Variants in ZFHX2 observed in about 807,000 individuals in gnomAD.
ZFHX2 encodes the protein zinc finger homeobox protein 2.
A neutral mutation model predicts 164.8 loss-of-function variants in ZFHX2; 75 were observed. The observed-to-expected ratio is 0.46, with a 90% CI of 0.38 to 0.55. ZFHX2 has a LOEUF of 0.55. Among genes scored for constraint, ZFHX2 ranks in the 20% least tolerant of loss-of-function variants. The probability of loss-of-function intolerance (pLI) is 0.00; values close to 1 mark genes in which losing one functional copy is unlikely to be tolerated. For synonymous variants in ZFHX2, 1,217 were observed against 1,351.4 expected (o/e 0.90, Z 2.18); for missense variants, 2,933 against 3,308.0 (o/e 0.89, Z 2.78).
intron 7 of ZFHX2, 86 bp downstream of exon 7, chr14:23,527,518 C>G (rs942285662): frequency 1.3e-6 from 2 of 1,490,224 alleles, no homozygotes; most frequent in South Asian, 2.5e-5. Context: ...ACACATGCAC[C>G]TGCCTGAATA....
chr14:23,522,623 G>C lies in ZFHX2; in HGVS notation c.7058C>G (p.Ala2353Gly). The change falls in exon 10 of 10, where the codon GCT becomes GGT. Residue 2353 changes from alanine to glycine, a missense_variant. Ala to Gly is a moderately conservative substitution (Grantham distance 60). Transcript: ENST00000419474. ...GACAGCTGGCGGTGCTGTTCCCCCA[G>C]CAGGGGGCAATGGAAAGGGCAGGAA... The part of the protein sequence containing the change: ...GQFLPFPLPP[A>G]GGTAPPAVFG... The C allele has an allele frequency of 6.5e-7, 1 of 1,534,252 alleles. No homozygotes were observed. Among genetic ancestry groups the C allele is most frequent in the Non-Finnish European group, 8.7e-7 (1 of 1,145,456 alleles).
At position 23,532,876 on chromosome 14, in the gene ZFHX2, C is replaced by T; in HGVS notation, c.2250G>A (p.Trp750Ter). 6.5e-7 allele frequency: 1 copy of T among 1,536,252 alleles called. No homozygotes were observed. ...GGTGGGTGTCACCAGCCACCTCCTT[C>T]CATTCAGCTTCCGGGAGGCTCCGGC... ...SIGRSLPEAE[W>*]KEVAGDTHRC... Residue 750 changes from tryptophan to a stop codon, truncating the protein, a stop_gained, in exon 3 of 10, where the codon TGG becomes TGA. Transcript: ENST00000419474. LOFTEE classifies it high-confidence loss of function.
At position 23,522,048 on chromosome 14, in the gene ZFHX2, C is replaced by T. The variant is rs1450853808; in HGVS notation, c.7633G>A (p.Val2545Met). 8 of 1,536,304 alleles carry T rather than the reference C, an allele frequency of 5.2e-6. No homozygotes were observed. The highest frequency in any genetic ancestry group is 6.1e-6 in the Non-Finnish European group (7 of 1,146,910). ...TNAATAASAA[V>M]AFAKEEARLP... is the part of the protein sequence containing the mutation. The stretch of plus-strand genomic sequence containing the variant: ...CTTGCTTCCTCTTTGGCAAAAGCCA[C>T]AGCAGCCGAGGCAGCAGTGGCGGCG... Residue 2545 changes from valine (V) to methionine (M), a missense_variant, in exon 10 of 10, where the codon GTG becomes ATG. Coordinates refer to ENST00000419474, the MANE Select transcript of ZFHX2 (RefSeq NM_033400.3).
In ZFHX2 at chr14:23,546,437, G is replaced by T. The variant is rs945034427; in HGVS notation, c.-50+4906C>A. 1.3e-5 allele frequency among the ~76,000 whole-genome samples: 2 copies of T among 152,268 alleles called. No individual in the cohort carries two copies. The highest frequency in any genetic ancestry group is 1.5e-5 in the Non-Finnish European group (1 of 68,008). ...AGGTGTATGCAGCCCCCATGCCAGT[G>T]GTACAGCTTGGTGACAGGACTGTGG... is the stretch of plus-strand genomic sequence containing the variant. On this transcript the variant is annotated intron_variant, in intron 1 of 9. Transcript: ENST00000419474. The surrounding 1 kb of genome is among the most constrained non-coding windows in gnomAD (Gnocchi z 4.7).
chr14:23,528,338 C>T (rs993570422), intron 6 of ZFHX2, among the ~76,000 whole-genome samples: 2 of 152,194 alleles, frequency 1.3e-5, no homozygotes, highest in Non-Finnish European at 2.9e-5. Flanking sequence ...TAGCTTAGGC[C>T]GCTACCTTGC....
Position 23,525,195 on chromosome 14 carries a change from A to G in ZFHX2, c.4747T>C (p.Ser1583Pro). The change falls in exon 9 of 10, where the codon TCC (serine) becomes CCC (proline). Residue 1583 changes from serine to proline, a missense_variant. Physicochemically the swap from Ser to Pro is moderately conservative, Grantham distance 74. Coordinates refer to ENST00000419474, the MANE Select transcript of ZFHX2 (RefSeq NM_033400.3). This position sits in a 1 kb window ranked among gnomAD's most constrained non-coding sequence, Gnocchi z 5.9. ...GHWPIEEEES[S>P]RGNLPPLVPA... ...ACCAGGGGAGGAAGATTCCCTCTGGAGCTTTCTTCCTCTTCTATGGGCCAG... is the reference window on the plus strand; with the variant it reads ...ACCAGGGGAGGAAGATTCCCTCTGGGGCTTTCTTCCTCTTCTATGGGCCAG... The G allele has an allele frequency of 6.5e-7, 1 of 1,536,046 alleles. No homozygotes were observed. Among genetic ancestry groups the G allele is most frequent in the Non-Finnish European group, 8.7e-7 (1 of 1,146,888 alleles).
At chr14:23,543,881 C>T (rs1036882905) in intron 1 of ZFHX2, 1 of 151,898 alleles carries the variant, frequency 6.6e-6, no homozygotes, top group African/African-American at 2.4e-5. Flanking sequence ...TCAGACAGAC[C>T]TGGAATCAAA....
upstream of ZFHX2, among the ~76,000 whole-genome samples, chr14:23,552,132 G>C (rs917694216): frequency 1.3e-5 from 2 of 151,854 alleles, no homozygotes; most frequent in African/African-American, 4.8e-5. Flanking sequence ...CTCCCCCCGC[G>C]AAATTGGGTA....
At chr14:23,530,227 A>G in intron 4 of ZFHX2, 33 bp from the exon 5 acceptor site, 2 of 1,470,034 alleles carry the variant, frequency 1.4e-6, no homozygotes, top group Non-Finnish European at 1.8e-6. Flanking sequence ...CAGCTTAAAG[A>G]GGTGTGGCAT....
At position 23,526,561 on chromosome 14, in the gene ZFHX2, T is replaced by A; in HGVS notation, c.3381A>T (p.Pro1127=). 1 of 1,535,646 alleles carries A rather than the reference T, an allele frequency of 6.5e-7. No homozygotes were observed. The highest frequency in any genetic ancestry group is 8.7e-7 in the Non-Finnish European group (1 of 1,146,754). Residue 1127 remains proline (P), a synonymous_variant, in exon 9 of 10, where the codon CCA becomes CCT. Coordinates refer to ENST00000419474, the MANE Select transcript of ZFHX2 (RefSeq NM_033400.3). ...GSPGQPPSPA[P]SPVPEPDAQA... ...GGGCATCAGGTTCAGGGACTGGAGA[T>A]GGGGCTGGAGAAGGGGGTTGGCCAG... is the stretch of plus-strand genomic sequence containing the variant.
rs1247506383 is a variant in ZFHX2 at position 23,520,904 on chromosome 14, T to G, written c.*1058A>C. The stretch of plus-strand genomic sequence containing the variant: ...TTTTTTTTTCTGTATTTTCCAAGTT[T>G]ACGTTTTTCTTTAGTTCATTCCTCT... On this transcript the variant is annotated 3_prime_UTR_variant, in exon 10 of 10. Coordinates refer to ENST00000419474, the MANE Select transcript of ZFHX2 (RefSeq NM_033400.3). This position sits in a 1 kb window ranked among gnomAD's most constrained non-coding sequence, Gnocchi z 8.7. 1 of 152,078 alleles carries G rather than the reference T, an allele frequency of 6.6e-6. No individual in the cohort carries two copies. The highest frequency in any genetic ancestry group is 2.4e-5 in the African/African-American group (1 of 41,410). 9.4% of individuals were successfully genotyped at this position (152,078 alleles called of 1,614,324 possible).
In ZFHX2 at chr14:23,526,864, C is replaced by G. The variant is rs927116986; in HGVS notation, c.3245G>C (p.Ser1082Thr). The change falls in exon 8 of 10, where the codon AGC becomes ACC. Residue 1082 changes from serine (S) to threonine (T), a missense_variant. By Grantham distance (58) the Ser-to-Thr change is moderately conservative. Coordinates refer to ENST00000419474, the MANE Select transcript of ZFHX2 (RefSeq NM_033400.3). ...TTCCTTACCTGCTGCCTGGTCTCTG[C>G]TCGGTGTAGGCTCTGGCCCATGAGT... is the stretch of plus-strand genomic sequence containing the variant. ...PPTHGPEPTP[S>T]RDQAAEGPNL... is the part of the protein sequence containing the mutation. 1 of 1,532,112 alleles carries G rather than the reference C, an allele frequency of 6.5e-7. No individual in the cohort carries two copies. Among genetic ancestry groups the G allele is most frequent in the East Asian group, 2.4e-5 (1 of 40,866 alleles). The allele number at this position is 1,532,112 out of a possible 1,614,324, so 94.9% of individuals were successfully genotyped here.
intron 1 of ZFHX2, among the ~76,000 whole-genome samples, chr14:23,542,713 T>C (rs1204713644): frequency 1.3e-5 from 2 of 152,096 alleles, no homozygotes; most frequent in East Asian, 3.9e-4. Flanking sequence ...CGCTGAAGAA[T>C]TTGGTCTCCC....
At position 23,551,512 on chromosome 14, in the gene ZFHX2, G is replaced by A. The variant is rs1322547845; in HGVS notation, c.-219C>T. On this transcript the variant is annotated 5_prime_UTR_variant, in exon 1 of 10. Coordinates refer to ENST00000419474, the MANE Select transcript of ZFHX2 (RefSeq NM_033400.3). The surrounding 1 kb of genome is among the most constrained non-coding windows in gnomAD (Gnocchi z 5.3). Reference sequence around the variant, plus strand: ...GCTCCGGGGCGTCAGGGACGGAGACGGAAAAAAATAAATAAATAAATTCAC... The same window carrying A: ...GCTCCGGGGCGTCAGGGACGGAGACAGAAAAAAATAAATAAATAAATTCAC... 2.1e-5 allele frequency: 3 copies of A among 145,324 alleles called. No individual in the cohort carries two copies. Among genetic ancestry groups the A allele is most frequent in the Non-Finnish European group, 4.5e-5 (3 of 67,258 alleles). 9.0% of individuals were successfully genotyped at this position (145,324 alleles called of 1,614,324 possible). A position where few individuals can be genotyped will look rare whatever the true frequency, so the allele number is the denominator to read the frequency against.
intron 1 of ZFHX2, among the ~76,000 whole-genome samples, chr14:23,540,365 T>C (rs988485326): frequency 6.6e-6 from 1 of 152,192 alleles, no homozygotes; most frequent in African/African-American, 2.4e-5. Flanking sequence ...TTTTAGGACC[T>C]TTTTTTAAAA....
upstream of ZFHX2, among the ~76,000 whole-genome samples, chr14:23,552,671 G>A (rs1278385569): frequency 7.2e-5 from 11 of 151,756 alleles, no homozygotes; most frequent in South Asian, 1.7e-3. Context: ...GCATGATCCC[G>A]GCTCACTGCA....
At chr14:23,550,026 TAAA>T (rs1223644211) in intron 1 of ZFHX2, among the ~76,000 whole-genome samples, 1 of 151,576 alleles carries the variant, frequency 6.6e-6, no homozygotes, top group Non-Finnish European at 1.5e-5. Context: ...AATGGGGAAA[TAAA>T]AAATATACAA....
chr14:23,531,245 C>G, intron 4 of ZFHX2: 1 of 456,690 alleles, frequency 2.2e-6, no homozygotes, highest in Non-Finnish European at 3.5e-6. Flanking sequence ...TCTTCCTGTT[C>G]TATGTCATCC....
chr14:23,526,318 A>T lies in ZFHX2; in HGVS notation c.3624T>A (p.Val1208=). ...ESFTQKNILL[V]HYNSVSHLHK... ...GAAGGTGGGAGACAGAATTATAATG[A>T]ACCAACAGAATATTCTTCTGGGTGA... Residue 1208 remains valine (V), a synonymous_variant, in exon 9 of 10, where the codon GTT becomes GTA. Transcript: ENST00000419474. 1 of 1,536,308 alleles carries T rather than the reference A, an allele frequency of 6.5e-7. No homozygotes were observed. The highest frequency in any genetic ancestry group is 8.7e-7 in the Non-Finnish European group (1 of 1,146,926).
Sources: gnomAD v4.1 joint callset for allele counts (sites outside exome capture counted in the v4.1 genomes callset) on GRCh38, gnomAD v4.1.1 for gene constraint, Gnocchi (gnomAD v3.1) non-coding constraint, MANE v1.5 for transcripts, NCBI Gene and HGNC (gene_info 2026-07-23, HGNC 2026-07-21) for gene names.